The following TFEC variants were observed in gnomAD, a reference collection of about 807,000 sequenced individuals.
TFEC encodes the protein transcription factor EC, also known as class E basic helix-loop-helix protein 34.
A neutral mutation model predicts 41.6 loss-of-function variants in TFEC; 31 were observed. The observed-to-expected ratio is 0.74, with a 90% CI of 0.56 to 1.01. TFEC has a LOEUF of 1.01. Among genes scored for constraint, TFEC ranks in the 50% least tolerant of loss-of-function variants. The pLI, the probability that TFEC is intolerant of heterozygous loss-of-function variation, is 0.00. For missense variants in TFEC, 402 were observed against 404.1 expected (o/e 0.99, Z 0.04); for synonymous variants, 143 against 140.6 (o/e 1.02, Z -0.12).
Position 116,011,138 on chromosome 7 carries a change from G to C in TFEC, c.-73+19495C>G, listed in dbSNP as rs530061209. 3.3e-5 allele frequency among the ~76,000 whole-genome samples: 5 copies of C among 152,248 alleles called. No homozygotes were observed. The East Asian group carries it at 9.6e-4, about 29-fold the overall frequency. On this transcript the variant is annotated intron_variant, in intron 1 of 7. Coordinates refer to ENST00000265440, the MANE Select transcript of TFEC (RefSeq NM_012252.4). Reference sequence around the variant, plus strand: ...TTGCTGCAGATGTATTAATATGTTAGATTATGGGATGCTGCCTTAGGCCCT... The same window carrying C: ...TTGCTGCAGATGTATTAATATGTTACATTATGGGATGCTGCCTTAGGCCCT...
chr7:116,019,433 T>A (rs1795313106), intron 1 of TFEC, among the ~76,000 whole-genome samples: 1 of 152,198 alleles, frequency 6.6e-6, no homozygotes, highest in Non-Finnish European at 1.5e-5. Context: ...GTTTTAGTCC[T>A]CTTTCTTAAG....
At chr7:116,030,495 C>T (rs1795752459) in intron 1 of TFEC, 138 bp downstream of exon 1, 1 of 433,554 alleles carries the variant, frequency 2.3e-6, no homozygotes, top group Non-Finnish European at 3.1e-6. Context: ...CTCAGATATC[C>T]TGATACCTAG....
At chr7:115,985,315 T>A (rs1340772530) in intron 1 of TFEC, among the ~76,000 whole-genome samples, 1 of 152,176 alleles carries the variant, frequency 6.6e-6, no homozygotes, top group African/African-American at 2.4e-5. Context: ...TGTACTATCA[T>A]TTGTGTAAGG....
At chr7:116,079,592 A>T (rs1224437789) in intron 3 of TFEC, among the ~76,000 whole-genome samples, 1 of 152,064 alleles carries the variant, frequency 6.6e-6, no homozygotes, top group African/African-American at 2.4e-5. Flanking sequence ...AGCTGTAAAG[A>T]AAATAAAACA....
intron 1 of TFEC, among the ~76,000 whole-genome samples, chr7:116,156,065 C>T (rs2116491734): frequency 6.6e-6 from 1 of 152,166 alleles, no homozygotes; most frequent in South Asian, 2.1e-4. Flanking sequence ...GAGGCAAGTG[C>T]TTCATACTCC....
At chr7:116,115,721 G>T (rs2116151591) in intron 1 of TFEC, among the ~76,000 whole-genome samples, 1 of 152,056 alleles carries the variant, frequency 6.6e-6, no homozygotes, top group East Asian at 1.9e-4. Flanking sequence ...GGGCATATCT[G>T]GGGGTTCATT....
intron 6 of TFEC, among the ~76,000 whole-genome samples, chr7:115,948,799 T>G (rs1342328688): frequency 1.8e-4 from 26 of 148,432 alleles, no homozygotes; most frequent in African/African-American, 6.5e-4. Context: ...AAGACAGGGA[T>G]GCCCTCTCTC....
intron 1 of TFEC, among the ~76,000 whole-genome samples, chr7:116,016,200 C>T (rs1221046969): frequency 6.6e-6 from 1 of 152,052 alleles, no homozygotes; most frequent in African/African-American, 2.4e-5. Flanking sequence ...CAGAAGATAT[C>T]CCCAGCAGAC....
intron 1 of TFEC, among the ~76,000 whole-genome samples, chr7:116,150,520 A>T (rs965996535): frequency 6.6e-5 from 10 of 152,094 alleles, no homozygotes; most frequent in African/African-American, 2.2e-4. Flanking sequence ...CATTAAAAAA[A>T]ATAAAATAAA....
chr7:116,045,575 T>C (rs536528168), intron 3 of TFEC, among the ~76,000 whole-genome samples: 2 of 152,272 alleles, frequency 1.3e-5, no homozygotes, highest in African/African-American at 4.8e-5. Context: ...AGAAGATGTA[T>C]GGAATTGCCT....
In TFEC at chr7:115,936,210, G is replaced by A. The variant is rs1007905255; in HGVS notation, c.*4341C>T. The A allele has an allele frequency of 2.6e-5, 4 of 151,556 alleles. No homozygotes were observed. Among genetic ancestry groups the A allele is most frequent in the Admixed American group, 1.3e-4 (2 of 15,192 alleles). The allele number at this position is 151,556 out of a possible 1,614,324, so 9.4% of individuals were successfully genotyped here. A position where few individuals can be genotyped will look rare whatever the true frequency, so the allele number is the denominator to read the frequency against. The stretch of plus-strand genomic sequence containing the variant: ...GTAACATAGGAGATCAGTAACACTC[G>A]AAATGTATTTTGTATTTATTAGGTA... On this transcript the variant is annotated 3_prime_UTR_variant, in exon 8 of 8. Transcript: ENST00000265440.
intron 1 of TFEC, among the ~76,000 whole-genome samples, chr7:116,004,706 G>C (rs528003339): frequency 6.6e-6 from 1 of 150,918 alleles, no homozygotes. Flanking sequence ...AAATTTTTAA[G>C]AAAAATTAGA....
At chr7:115,963,165 A>C (rs1298548546) in intron 3 of TFEC, among the ~76,000 whole-genome samples, 7 of 151,784 alleles carry the variant, frequency 4.6e-5, no homozygotes, top group Non-Finnish European at 1.0e-4. Context: ...CAAAATGGGC[A>C]AAAGACTTGA....
intron 1 of TFEC, among the ~76,000 whole-genome samples, chr7:116,128,697 A>C (rs139655731): frequency 2.0e-5 from 3 of 152,116 alleles, no homozygotes. Context: ...TAGATATTTG[A>C]CTGCCTCAGT....
chr7:115,977,783 G>T (rs1421352545), intron 2 of TFEC, among the ~76,000 whole-genome samples: 1 of 151,796 alleles, frequency 6.6e-6, no homozygotes, highest in Non-Finnish European at 1.5e-5. Flanking sequence ...TCTATACATA[G>T]ATAAATTCTA....
intron 6 of TFEC, among the ~76,000 whole-genome samples, chr7:115,945,697 A>G (rs1030446071): frequency 1.3e-5 from 2 of 151,800 alleles, no homozygotes; most frequent in Non-Finnish European, 2.9e-5. Context: ...TAAAACAAAT[A>G]ATAACCCTCC....
chr7:116,101,303 G>A (rs956945595), intron 3 of TFEC, among the ~76,000 whole-genome samples: 1 of 151,548 alleles, frequency 6.6e-6, no homozygotes, highest in Non-Finnish European at 1.5e-5. Context: ...GAGAGAGACA[G>A]CAAGAGAGGA....
intron 6 of TFEC, among the ~76,000 whole-genome samples, chr7:115,945,659 T>C (rs537084716): frequency 1.3e-5 from 2 of 151,924 alleles, no homozygotes; most frequent in African/African-American, 4.8e-5. Flanking sequence ...AAATAAATGT[T>C]ATTTGCCTAC....
At chr7:115,953,034 G>A (rs1293920742) in intron 5 of TFEC, among the ~76,000 whole-genome samples, 2 of 152,058 alleles carry the variant, frequency 1.3e-5, no homozygotes, top group African/African-American at 4.8e-5. Flanking sequence ...ACACCGATGT[G>A]CTCACTGGGG....
Sources: allele counts gnomAD v4.1 joint callset (sites outside exome capture counted in the v4.1 genomes callset), GRCh38; gene constraint gnomAD v4.1.1; transcripts MANE v1.5; gene names NCBI Gene and HGNC (gene_info 2026-07-23, HGNC 2026-07-21).